PTGIS: variants seen among roughly 807,000 people sequenced by gnomAD.
PTGIS encodes the protein prostaglandin I2 synthase.
Under a neutral mutation model 50.3 loss-of-function variants are expected in PTGIS, and 45 were observed. The observed-to-expected ratio is 0.90, with a 90% CI of 0.70 to 1.15. The LOEUF (loss-of-function observed/expected upper bound fraction) is 1.15. PTGIS is among the 50% of genes most tolerant of loss of function. The probability of loss-of-function intolerance (pLI) is 0.00; values close to 1 mark genes in which losing one functional copy is unlikely to be tolerated. For missense variants in PTGIS, 668 were observed against 661.3 expected, an observed-to-expected ratio of 1.01 and a Z score of -0.11; for synonymous variants, 260 against 267.7, an observed-to-expected ratio of 0.97 and a Z score of 0.28.
At chr20:49,561,038 C>A (rs771242136) in intron 1 of PTGIS, among the ~76,000 whole-genome samples, 15 of 152,154 alleles carry the variant, frequency 9.9e-5, no homozygotes, top group African/African-American at 3.6e-4. Context: ...GAAGCAATGG[C>A]CATGGTCCCC....
intron 1 of PTGIS, among the ~76,000 whole-genome samples, chr20:49,559,248 C>A (rs113981445): frequency 0.029 from 4,387 of 152,158 alleles, 212 homozygotes; most frequent in African/African-American, 0.094. Context: ...TTGTCCCCAG[C>A]CCTTGTGGTA....
chr20:49,536,626 G>T (rs373717174), intron 5 of PTGIS, among the ~76,000 whole-genome samples: 1 of 151,448 alleles, frequency 6.6e-6, no homozygotes, highest in Non-Finnish European at 1.5e-5. Context: ...GATTACAGGC[G>T]CCCACCACCA....
chr20:49,548,435 G>A (rs538808306), intron 2 of PTGIS, among the ~76,000 whole-genome samples: 1 of 152,276 alleles, frequency 6.6e-6, no homozygotes, highest in East Asian at 1.9e-4. Flanking sequence ...TGGATGGATG[G>A]ATGAATGGAT....
At chr20:49,564,126 T>A (rs971165654) in intron 1 of PTGIS, among the ~76,000 whole-genome samples, 6 of 152,378 alleles carry the variant, frequency 3.9e-5, no homozygotes, top group Non-Finnish European at 7.3e-5. Context: ...ATTGCAGAAA[T>A]TTGAATTTGA....
intron 1 of PTGIS, among the ~76,000 whole-genome samples, chr20:49,560,005 A>G (rs559187365): frequency 2.2e-4 from 34 of 151,820 alleles, no homozygotes; most frequent in African/African-American, 8.0e-4. Context: ...GCTCACTGCA[A>G]CCTGCACCTC....
rs972309334 is a variant in PTGIS, at chr20:49,555,081, G to C, written c.75-4892C>G. ...AGGTCAGGAGTTCAAGACCAGCCTG[G>C]CCAACATGGTGAAACCCCGTTTCTA... is the stretch of plus-strand genomic sequence containing the variant. On this transcript the variant is annotated intron_variant, in intron 1 of 9. Coordinates refer to ENST00000244043, the MANE Select transcript of PTGIS (RefSeq NM_000961.4). Among the ~76,000 whole-genome samples, 8 of 152,076 alleles carry C rather than the reference G, an allele frequency of 5.3e-5. 1 individual carries two copies. The highest frequency in any genetic ancestry group is 1.7e-4 in the African/African-American group (7 of 41,476).
Position 49,508,036 on chromosome 20 carries a change from C to T in PTGIS, c.1387G>A (p.Asp463Asn). ...QFVFLVLVHL[D>N]LELINADVEI... is the part of the protein sequence containing the mutation. The stretch of plus-strand genomic sequence containing the variant: ...ACATCTGCGTTGATCAGCTCCAAGT[C>T]CAAGTGCACCAGCACAAGGAACACA... Residue 463 changes from aspartate (D) to asparagine (N), a missense_variant, in exon 10 of 10, where the codon GAC (aspartate) becomes AAC (asparagine). Physicochemically the swap from Asp to Asn is conservative, Grantham distance 23 (BLOSUM62 1). Coordinates refer to ENST00000244043, the MANE Select transcript of PTGIS (RefSeq NM_000961.4). 3 of 1,613,948 alleles carry T rather than the reference C, an allele frequency of 1.9e-6. No individual in the cohort carries two copies. The highest frequency in any genetic ancestry group is 2.5e-6 in the Non-Finnish European group (3 of 1,180,040).
chr20:49,516,771 G>T (rs547828921), intron 6 of PTGIS, among the ~76,000 whole-genome samples: 1 of 152,286 alleles, frequency 6.6e-6, no homozygotes, highest in Non-Finnish European at 1.5e-5. Context: ...AAAGGAAAAC[G>T]AAGTACTCCC....
chr20:49,511,135 C>G lies in PTGIS; in HGVS notation c.1251G>C (p.Lys417Asn). ...NRFLNPDGSE[K>N]KDFYKDGKRL... is the part of the protein sequence containing the mutation. ...GTTTCCCATCCTTGTAAAAGTCTTT[C>G]TTCTCTGATCCGTCAGGGTTCAGGA... The change falls in exon 9 of 10, where the codon AAG (lysine) becomes AAC (asparagine). Residue 417 changes from lysine (K) to asparagine (N), a missense_variant. Physicochemically the swap from Lys to Asn is moderately conservative, Grantham distance 94. Coordinates refer to ENST00000244043, the MANE Select transcript of PTGIS (RefSeq NM_000961.4). 1.9e-6 allele frequency: 3 copies of G among 1,614,242 alleles called. No homozygotes were observed. Among genetic ancestry groups the G allele is most frequent in the Non-Finnish European group, 2.5e-6 (3 of 1,180,042 alleles).
In PTGIS at chr20:49,547,947, G is replaced by T. The variant is rs200631702; in HGVS notation, c.271C>A (p.Arg91Ser). The change falls in exon 3 of 10, where the codon CGC becomes AGC. Residue 91 changes from arginine (R) to serine (S), a missense_variant. Coordinates refer to ENST00000244043, the MANE Select transcript of PTGIS (RefSeq NM_000961.4). ...TAGGCATGGAAGTCGAGCCTGGTGC[G>T]AGGCTCCCACACCACCGCGTCGTAG... ...HSYDAVVWEP[R>S]TRLDFHAYAI... 1 of 1,614,064 alleles carries T rather than the reference G, an allele frequency of 6.2e-7. No homozygotes were observed. The highest frequency in any genetic ancestry group is 1.7e-5 in the Admixed American group (1 of 60,016).
intron 3 of PTGIS, among the ~76,000 whole-genome samples, chr20:49,545,402 A>G (rs1982331842): frequency 6.6e-6 from 1 of 151,952 alleles, no homozygotes; most frequent in African/African-American, 2.4e-5. Context: ...CCTAGGCAAC[A>G]GAGTGAGACT....
At position 49,537,362 on chromosome 20, in the gene PTGIS, G is replaced by A. The variant is rs537960126; in HGVS notation, c.673+2208C>T. Among the ~76,000 whole-genome samples, 4 of 152,348 alleles carry A rather than the reference G, an allele frequency of 2.6e-5. No homozygotes were observed. In the South Asian group the frequency reaches 6.2e-4, roughly 24 times the overall value. ...TGCAGCCACAAAAACAGATGAGGTAGATTTTTACAAATCGATGTGGAAATG... is the reference window on the plus strand; with the variant it reads ...TGCAGCCACAAAAACAGATGAGGTAAATTTTTACAAATCGATGTGGAAATG... On this transcript the variant is annotated intron_variant, in intron 5 of 9. Transcript: ENST00000244043.
At chr20:49,528,668 C>T (rs941379218) in intron 5 of PTGIS, among the ~76,000 whole-genome samples, 2 of 152,032 alleles carry the variant, frequency 1.3e-5, no homozygotes, top group Non-Finnish European at 2.9e-5. Flanking sequence ...GATCATGGAT[C>T]AAATCAGTTT....
At chr20:49,534,547 T>C (rs1449422748) in intron 5 of PTGIS, among the ~76,000 whole-genome samples, 1 of 152,094 alleles carries the variant, frequency 6.6e-6, no homozygotes, top group Non-Finnish European at 1.5e-5. Context: ...GAAATGGTAA[T>C]GGAGAAACCC....
At chr20:49,532,157 T>C (rs914960113) in intron 5 of PTGIS, among the ~76,000 whole-genome samples, 2 of 152,200 alleles carry the variant, frequency 1.3e-5, no homozygotes, top group African/African-American at 4.8e-5. Context: ...GCTAATAATA[T>C]TTTAGATGTA....
intron 2 of PTGIS, 53 bp downstream of exon 2, chr20:49,550,013 T>C: frequency 6.2e-7 from 1 of 1,613,598 alleles, no homozygotes; most frequent in Non-Finnish European, 8.5e-7. Flanking sequence ...AGAAACCAGA[T>C]ATGAGGCCCA....
intron 5 of PTGIS, 36 bp downstream of exon 5, chr20:49,539,534 C>G (rs375160597): frequency 6.2e-7 from 1 of 1,605,524 alleles, no homozygotes. Flanking sequence ...TCTTTCCATC[C>G]TCCCCCCCAC....
chr20:49,543,768 G>A (rs1982289185), intron 4 of PTGIS, among the ~76,000 whole-genome samples: 2 of 152,158 alleles, frequency 1.3e-5, no homozygotes, highest in Admixed American at 1.3e-4. Flanking sequence ...CTGTCATCGT[G>A]TTTATCACTC....
intron 1 of PTGIS, among the ~76,000 whole-genome samples, chr20:49,561,907 C>T (rs954544519): frequency 7.2e-5 from 11 of 152,168 alleles, no homozygotes; most frequent in Admixed American, 5.2e-4. Context: ...ATTTTCCAAA[C>T]GTTTCCTTGT....
Sources: allele counts gnomAD v4.1 joint callset (sites outside exome capture counted in the v4.1 genomes callset), GRCh38; gene constraint gnomAD v4.1.1; transcripts MANE v1.5; gene names NCBI Gene and HGNC (gene_info 2026-07-23, HGNC 2026-07-21).